The following OR51B5 variants were observed in gnomAD, a reference collection of about 807,000 sequenced individuals.
OR51B5 encodes olfactory receptor family 51 subfamily B member 5.
For synonymous variants in OR51B5, 186 were observed against 144.8 expected (o/e 1.28, Z -2.04); for missense variants, 456 against 374.6 (o/e 1.22, Z -1.79).
At chr11:5,471,590 C>T (rs982185980) in intron 1 of OR51B5, among the ~76,000 whole-genome samples, 7 of 149,384 alleles carry the variant, frequency 4.7e-5, no homozygotes, top group Non-Finnish European at 1.0e-4. Flanking sequence ...GAGCTGAGAT[C>T]GCACCATTGC....
chr11:5,381,754 T>TAAAG (rs1849611906), intron 1 of OR51B5, among the ~76,000 whole-genome samples: 1 of 152,194 alleles, frequency 6.6e-6, no homozygotes, highest in Non-Finnish European at 1.5e-5. Flanking sequence ...TTTAGAGCAA[T>TAAAG]AAAGAATCAA....
chr11:5,469,959 G>A (rs192080848), intron 1 of OR51B5, among the ~76,000 whole-genome samples: 1 of 152,152 alleles, frequency 6.6e-6, no homozygotes, highest in African/African-American at 2.4e-5. Context: ...TTTCCTTGTG[G>A]CTTGAACCCC....
intron 1 of OR51B5, chr11:5,402,661 G>A (rs966300583): frequency 4.2e-6 from 2 of 471,246 alleles, no homozygotes; most frequent in Admixed American, 4.7e-5. Flanking sequence ...GGCATCCCAG[G>A]GCTGGAGTCA....
intron 1 of OR51B5, among the ~76,000 whole-genome samples, chr11:5,427,385 G>A (rs192944656): frequency 5.6e-4 from 85 of 152,362 alleles, no homozygotes; most frequent in African/African-American, 1.7e-3. Flanking sequence ...GACAGATGGC[G>A]TGAGCCAGGT....
chr11:5,474,066 T>C (rs910918896), intron 1 of OR51B5, among the ~76,000 whole-genome samples: 6 of 152,168 alleles, frequency 3.9e-5, no homozygotes, highest in African/African-American at 1.2e-4. Flanking sequence ...ATTTGACTGA[T>C]TTAACCTAAT....
At chr11:5,440,786 G>A (rs950041185) in intron 1 of OR51B5, 3 of 1,613,954 alleles carry the variant, frequency 1.9e-6, no homozygotes, top group South Asian at 2.2e-5. Flanking sequence ...TGTGTGACAT[G>A]CAGGTGTTGA....
chr11:5,491,023 T>G (rs1296510807), intron 1 of OR51B5, among the ~76,000 whole-genome samples: 1 of 152,274 alleles, frequency 6.6e-6, no homozygotes, highest in Non-Finnish European at 1.5e-5. Flanking sequence ...ACTAGGCATT[T>G]CATCTGTGCC....
chr11:5,409,879 G>T (rs1850117737), intron 1 of OR51B5, among the ~76,000 whole-genome samples: 1 of 149,906 alleles, frequency 6.7e-6, no homozygotes, highest in Admixed American at 6.8e-5. Context: ...GTAACAAAGA[G>T]AAATACACTG....
chr11:5,346,233 C>A (rs1166013254), upstream of OR51B5: 1 of 152,148 alleles, frequency 6.6e-6, no homozygotes, highest in Admixed American at 6.5e-5. Context: ...TCCTCCTTCT[C>A]CATTCCCAAG....
chr11:5,464,015 G>A (rs1414006800), intron 1 of OR51B5, among the ~76,000 whole-genome samples: 3 of 152,148 alleles, frequency 2.0e-5, no homozygotes, highest in Non-Finnish European at 4.4e-5. Context: ...TGTATTTAAG[G>A]CAAATACCCC....
intron 1 of OR51B5, among the ~76,000 whole-genome samples, chr11:5,375,912 A>C (rs1849519852): frequency 6.6e-6 from 1 of 152,120 alleles, no homozygotes; most frequent in Non-Finnish European, 1.5e-5. Context: ...CGAGACAGAA[A>C]GTTAACAAGG....
intron 1 of OR51B5, among the ~76,000 whole-genome samples, chr11:5,435,454 T>C (rs569183026): frequency 6.6e-6 from 1 of 151,088 alleles, no homozygotes; most frequent in East Asian, 1.9e-4. Context: ...AATGTCTGTA[T>C]CCCTACCAGA....
At chr11:5,379,588 T>C (rs1028544006) in intron 1 of OR51B5, among the ~76,000 whole-genome samples, 5 of 152,180 alleles carry the variant, frequency 3.3e-5, no homozygotes, top group Admixed American at 6.5e-5. Flanking sequence ...GCTTTTAAGA[T>C]TGGCATACAT....
chr11:5,343,815 C>T (rs1848946757), upstream of OR51B5, among the ~76,000 whole-genome samples: 1 of 152,162 alleles, frequency 6.6e-6, no homozygotes, highest in South Asian at 2.1e-4. Flanking sequence ...ATTATGTAAA[C>T]TACAACTTCT....
intron 1 of OR51B5, chr11:5,454,168 C>A (rs1850911759): frequency 6.2e-7 from 1 of 1,613,624 alleles, no homozygotes; most frequent in Admixed American, 1.7e-5. Flanking sequence ...TCTGTCATGG[C>A]CACTGCTTCC....
chr11:5,363,235 CCTCACACACACACA>C (rs1204471676), intron 1 of OR51B5, among the ~76,000 whole-genome samples: 1 of 85,294 alleles, frequency 1.2e-5, no homozygotes, highest in African/African-American at 4.2e-5. Context: ...GAACCCAACC[CCTCACACACACACA>C]CACACACACA....
At chr11:5,385,850 GTATATTC>G (rs549354178) in intron 1 of OR51B5, among the ~76,000 whole-genome samples, 110 of 143,914 alleles carry the variant, frequency 7.6e-4, no homozygotes, top group African/African-American at 2.7e-3. Flanking sequence ...ATACTAAAAT[GTATATTC>G]TATAAAGTAT....
intron 1 of OR51B5, among the ~76,000 whole-genome samples, chr11:5,363,478 C>T (rs1012126654): frequency 1.3e-5 from 2 of 151,326 alleles, no homozygotes; most frequent in South Asian, 2.1e-4. Flanking sequence ...CACACAAAAG[C>T]GCCACACACA....
chr11:5,396,469 G>C (rs905795546), intron 1 of OR51B5, among the ~76,000 whole-genome samples: 1 of 152,118 alleles, frequency 6.6e-6, no homozygotes, highest in African/African-American at 2.4e-5. Context: ...TTGCTTCAGA[G>C]AGAATATAAT....
Sources: gnomAD v4.1 joint callset for allele counts (sites outside exome capture counted in the v4.1 genomes callset) on GRCh38, gnomAD v4.1.1 for gene constraint, MANE v1.5 for transcripts, NCBI Gene and HGNC (gene_info 2026-07-23, HGNC 2026-07-21) for gene names.